Variants in PRIM2 observed in about 807,000 individuals in gnomAD.
The protein encoded by PRIM2 is DNA primase subunit 2, also known as DNA primase large subunit.
Under a neutral mutation model 67.3 loss-of-function variants are expected in PRIM2, and 39 were observed. The ratio of observed to expected loss-of-function variants is 0.58; its 90% CI spans 0.45 to 0.76. The LOEUF is 0.76. Among genes scored for constraint, PRIM2 ranks in the 30% least tolerant of loss-of-function variants. The pLI is 0.00. For missense variants in PRIM2, 398 were observed against 598.7 expected (o/e 0.66, Z 3.50); for synonymous variants, 143 against 198.7 (o/e 0.72, Z 2.36).
intron 10 of PRIM2, among the ~76,000 whole-genome samples, chr6:57,597,492 C>T (rs1455047511): frequency 1.3e-5 from 2 of 151,652 alleles, no homozygotes; most frequent in African/African-American, 4.8e-5. Context: ...CATTTTTTCC[C>T]TCACCAATAG....
intron 7 of PRIM2, among the ~76,000 whole-genome samples, chr6:57,404,984 A>G (rs1426103755): frequency 6.7e-6 from 1 of 149,414 alleles, no homozygotes; most frequent in Non-Finnish European, 1.5e-5. Context: ...TGGCTAGAAA[A>G]TACTTAATAT....
chr6:57,564,746 G>A (rs1775704361), intron 10 of PRIM2, among the ~76,000 whole-genome samples: 1 of 152,102 alleles, frequency 6.6e-6, no homozygotes. Flanking sequence ...CTCTGAAAAT[G>A]TTTTGAGGCT....
rs1352831747 is a variant in PRIM2 at position 57,578,832 on chromosome 6, A to G, written c.1021-22261A>G. Reference sequence around the variant, plus strand: ...GCTGGGACTACAGGCGCCCGCTACCACGCCCGGCTAATTTTTTGTATTTTT... The same window carrying G: ...GCTGGGACTACAGGCGCCCGCTACCGCGCCCGGCTAATTTTTTGTATTTTT... On this transcript the variant is annotated intron_variant, in intron 10 of 13. Transcript: ENST00000615550. Among the ~76,000 whole-genome samples the G allele has an allele frequency of 4.0e-5, 6 of 150,922 alleles. No homozygotes were observed. In the South Asian group the frequency reaches 1.1e-3, roughly 27 times the overall value.
chr6:57,504,676 C>T (rs1554347149), intron 7 of PRIM2, among the ~76,000 whole-genome samples: 14 of 151,628 alleles, frequency 9.2e-5, no homozygotes, highest in African/African-American at 2.9e-4. Flanking sequence ...TTTATGTGTC[C>T]GGTACATTGT....
At chr6:57,440,424 A>C (rs1368976479) in intron 7 of PRIM2, among the ~76,000 whole-genome samples, 1 of 152,186 alleles carries the variant, frequency 6.6e-6, no homozygotes, top group Non-Finnish European at 1.5e-5. Flanking sequence ...AGAATCCTGT[A>C]AACAGTCTTG....
chr6:57,642,305 A>G (rs1193285824), intron 13 of PRIM2, among the ~76,000 whole-genome samples: 2 of 151,938 alleles, frequency 1.3e-5, no homozygotes, highest in African/African-American at 2.4e-5. Flanking sequence ...GCAGCAAACC[A>G]CCATGGCATG....
chr6:57,500,648 A>G (rs1241158283), intron 7 of PRIM2, among the ~76,000 whole-genome samples: 1 of 152,246 alleles, frequency 6.6e-6, no homozygotes, highest in Non-Finnish European at 1.5e-5. Context: ...TGATTTGATT[A>G]GTTAAGGCGG....
chr6:57,460,473 T>G (rs1772967710), intron 7 of PRIM2, among the ~76,000 whole-genome samples: 1 of 152,226 alleles, frequency 6.6e-6, no homozygotes, highest in Non-Finnish European at 1.5e-5. Flanking sequence ...GATATTATTC[T>G]GTAATGCTCG....
At chr6:57,222,858 T>C in the PRIM2 span, among the ~76,000 whole-genome samples, 1 of 152,198 alleles carries the variant, frequency 6.6e-6, no homozygotes, top group Non-Finnish European at 1.5e-5. Flanking sequence ...GCTGCTGGAA[T>C]GTAAACTGGA....
intron 7 of PRIM2, among the ~76,000 whole-genome samples, chr6:57,460,189 A>T (rs1286735580): frequency 5.3e-5 from 8 of 151,930 alleles, no homozygotes; most frequent in African/African-American, 1.7e-4. Context: ...AAAGAAAAGT[A>T]GAACATTTTA....
chr6:57,293,687 C>A, the PRIM2 span, among the ~76,000 whole-genome samples: 1 of 152,066 alleles, frequency 6.6e-6, no homozygotes, highest in South Asian at 2.1e-4. Context: ...TCCTTTGCAG[C>A]GACATGGGTG....
At chr6:57,623,880 T>C (rs1390234502) in intron 12 of PRIM2, among the ~76,000 whole-genome samples, 2 of 152,200 alleles carry the variant, frequency 1.3e-5, no homozygotes, top group African/African-American at 4.8e-5. Flanking sequence ...TTTTACTTCT[T>C]AATTCTTAAG....
In PRIM2 at chr6:57,425,515, A is replaced by G. The variant is rs544618393; in HGVS notation, c.693+43347A>G. 3.3e-5 allele frequency among the ~76,000 whole-genome samples: 5 copies of G among 152,290 alleles called. No individual in the cohort carries two copies. The South Asian group carries it at 8.3e-4, about 25-fold the overall frequency. On this transcript the variant is annotated intron_variant, in intron 7 of 13. Transcript: ENST00000615550. ...CAGGCGTGAGCCACCACACCCTGCC[A>G]ATGGAATTATTTTAAATTATTCATA...
chr6:57,539,151 A>T (rs1158803273), intron 10 of PRIM2, among the ~76,000 whole-genome samples: 4 of 152,168 alleles, frequency 2.6e-5, no homozygotes, highest in African/African-American at 9.7e-5. Context: ...TTCTTTGAGC[A>T]GTTTTGGATA....
At chr6:57,479,097 G>A (rs1286519672) in intron 7 of PRIM2, among the ~76,000 whole-genome samples, 5 of 152,188 alleles carry the variant, frequency 3.3e-5, no homozygotes, top group Non-Finnish European at 4.4e-5. Flanking sequence ...TGTGAGGCGA[G>A]ATCGTGCCAT....
intron 7 of PRIM2, among the ~76,000 whole-genome samples, chr6:57,410,070 G>A (rs1332782135): frequency 1.3e-5 from 2 of 152,026 alleles, no homozygotes; most frequent in Admixed American, 6.6e-5. Flanking sequence ...TGTAATCCCA[G>A]CACTTTGGGA....
At chr6:57,281,380 G>A in the PRIM2 span, among the ~76,000 whole-genome samples, 9 of 152,130 alleles carry the variant, frequency 5.9e-5, no homozygotes, top group African/African-American at 2.2e-4. Flanking sequence ...ACTCCATACT[G>A]TTCTCCATAG....
At chr6:57,602,988 T>C (rs1266295291) in intron 11 of PRIM2, among the ~76,000 whole-genome samples, 2 of 152,168 alleles carry the variant, frequency 1.3e-5, no homozygotes, top group African/African-American at 2.4e-5. Context: ...TGTGTTACAA[T>C]TGATGAACCT....
At chr6:57,358,387 A>C (rs4487581) in intron 5 of PRIM2, among the ~76,000 whole-genome samples, 4 of 152,130 alleles carry the variant, frequency 2.6e-5, no homozygotes, top group Non-Finnish European at 4.4e-5. Context: ...AAAATAGAAA[A>C]ATTTGCAGGT....
Sources: allele counts gnomAD v4.1 joint callset (sites outside exome capture counted in the v4.1 genomes callset), GRCh38; gene constraint gnomAD v4.1.1; transcripts MANE v1.5; gene names NCBI Gene and HGNC (gene_info 2026-07-23, HGNC 2026-07-21).